APP: variants seen among roughly 807,000 people sequenced by gnomAD.
APP encodes amyloid-beta precursor protein.
In APP, 31 loss-of-function variants were observed where a neutral mutation model predicts 101.4. The ratio of observed to expected loss-of-function variants is 0.31; its 90% confidence interval spans 0.23 to 0.41. The LOEUF (loss-of-function observed/expected upper bound fraction) is 0.41. APP is among the 10% of genes least tolerant of loss of function. The pLI is 1.00. For synonymous variants in APP, 366 were observed against 364.4 expected (o/e 1.00, Z -0.05); for missense variants, 839 against 1,003.7 (o/e 0.84, Z 2.22).
intron 3 of APP, among the ~76,000 whole-genome samples, chr21:26,085,438 T>G (rs1379718369): frequency 6.6e-6 from 1 of 152,122 alleles, no homozygotes; most frequent in African/African-American, 2.4e-5. Flanking sequence ...TCCCATGACT[T>G]CAAAATTAGT....
chr21:26,125,443 G>T (rs2146254702), intron 1 of APP, among the ~76,000 whole-genome samples: 1 of 152,140 alleles, frequency 6.6e-6, no homozygotes, highest in South Asian at 2.1e-4. Flanking sequence ...AAACATTTTT[G>T]AGGGCTCCTA....
chr21:25,962,028 T>C (rs750661291), intron 11 of APP, among the ~76,000 whole-genome samples: 7 of 152,208 alleles, frequency 4.6e-5, no homozygotes, highest in Non-Finnish European at 1.0e-4. Flanking sequence ...ATTAGATGGC[T>C]AATCTCATTA....
At chr21:26,086,375 A>G (rs1479481638) in intron 3 of APP, among the ~76,000 whole-genome samples, 2 of 152,338 alleles carry the variant, frequency 1.3e-5, no homozygotes, top group African/African-American at 4.8e-5. Flanking sequence ...CAAGAAATGT[A>G]TAGCACATAT....
chr21:26,111,460 G>C (rs1381398135), intron 2 of APP, among the ~76,000 whole-genome samples: 2 of 152,164 alleles, frequency 1.3e-5, no homozygotes. Context: ...GTGGAGGGCT[G>C]AGCATGGTGG....
intron 6 of APP, among the ~76,000 whole-genome samples, chr21:26,020,524 A>G (rs975894443): frequency 2.6e-5 from 4 of 152,244 alleles, no homozygotes; most frequent in African/African-American, 9.6e-5. Flanking sequence ...AAAATAGCCC[A>G]TGTTAAGCTC....
intron 13 of APP, 35 bp from the exon 14 acceptor site, chr21:25,911,997 C>A: frequency 3.4e-6 from 5 of 1,487,868 alleles, no homozygotes; most frequent in Non-Finnish European, 4.7e-6. Context: ...TGGTGAGTAA[C>A]AACAATCACA....
intron 11 of APP, among the ~76,000 whole-genome samples, chr21:25,958,483 T>C (rs557332624): frequency 2.8e-4 from 43 of 152,298 alleles, no homozygotes; most frequent in Admixed American, 2.2e-3. Context: ...TTCGCCATGT[T>C]AGCCAGGATG....
At position 25,897,566 on chromosome 21, in the gene APP, T is replaced by G; in HGVS notation, c.2064+7A>C. ...AGTAGTGGAAAGAGGTAAATTATTT[T>G]ACGTACCAATTTTTGATGATGAACT... On this transcript the variant is annotated splice_region_variant and intron_variant, in intron 16 of 17. Coordinates refer to ENST00000346798, the MANE Select transcript of APP (RefSeq NM_000484.4). 6.2e-7 allele frequency: 1 copy of G among 1,604,816 alleles called. No homozygotes were observed. Among genetic ancestry groups the G allele is most frequent in the Non-Finnish European group, 8.5e-7 (1 of 1,171,538 alleles).
intron 1 of APP, among the ~76,000 whole-genome samples, chr21:26,168,603 G>C (rs772596915): frequency 4.6e-5 from 7 of 152,178 alleles, no homozygotes; most frequent in South Asian, 4.1e-4. Context: ...ACATATTTAA[G>C]TTTTGACAAA....
intron 13 of APP, among the ~76,000 whole-genome samples, chr21:25,944,831 C>A (rs754940792): frequency 7.9e-5 from 12 of 152,172 alleles, no homozygotes; most frequent in Non-Finnish European, 1.6e-4. Flanking sequence ...AAGCAGGACA[C>A]ATCTGCTCTA....
At chr21:25,884,969 A>G (rs1164555860) in intron 17 of APP, among the ~76,000 whole-genome samples, 1 of 152,220 alleles carries the variant, frequency 6.6e-6, no homozygotes, top group Non-Finnish European at 1.5e-5. Flanking sequence ...CTGGTGCACA[A>G]TCCAGACCTC....
intron 3 of APP, among the ~76,000 whole-genome samples, chr21:26,063,244 T>C (rs907025459): frequency 6.6e-6 from 1 of 152,230 alleles, no homozygotes; most frequent in Non-Finnish European, 1.5e-5. Flanking sequence ...ATAGACTAGA[T>C]ATTATAGCTT....
At chr21:26,004,570 G>A (rs900238552) in intron 6 of APP, among the ~76,000 whole-genome samples, 1 of 152,142 alleles carries the variant, frequency 6.6e-6, no homozygotes, top group East Asian at 1.9e-4. Flanking sequence ...GGGATTACAG[G>A]CGTGAGGCAC....
At chr21:25,973,238 TCA>T (rs1317090600) in intron 11 of APP, among the ~76,000 whole-genome samples, 3 of 151,918 alleles carry the variant, frequency 2.0e-5, no homozygotes, top group African/African-American at 7.3e-5. Context: ...GATGACAGAT[TCA>T]GTGACAACCA....
chr21:26,062,861 C>G (rs2046326264), intron 3 of APP, among the ~76,000 whole-genome samples: 2 of 152,116 alleles, frequency 1.3e-5, no homozygotes, highest in South Asian at 2.1e-4. Context: ...TTCCTGGGCT[C>G]AGGTGATCCT....
At chr21:26,073,186 C>A (rs2061439199) in intron 3 of APP, among the ~76,000 whole-genome samples, 1 of 152,002 alleles carries the variant, frequency 6.6e-6, no homozygotes, top group Non-Finnish European at 1.5e-5. Flanking sequence ...CTATTAAACA[C>A]TGATATTTAG....
Position 26,051,198 on chromosome 21 carries a change from A to G in APP, c.469-5T>C. On this transcript the variant is annotated splice_polypyrimidine_tract_variant and splice_region_variant and intron_variant, in intron 4 of 17. Transcript: ENST00000346798. ...GGTACTCTTCTCACTGCATGTCTAC[A>G]AAGTGTAAGGAGAAAACAGTGAGTG... 6.2e-7 allele frequency: 1 copy of G among 1,612,208 alleles called. No individual in the cohort carries two copies. The highest frequency in any genetic ancestry group is 1.1e-5 in the South Asian group (1 of 90,730).
At chr21:25,956,070 T>A (rs765228206) in intron 11 of APP, among the ~76,000 whole-genome samples, 15 of 152,302 alleles carry the variant, frequency 9.8e-5, no homozygotes, top group Non-Finnish European at 1.9e-4. Context: ...GTCTGTCAGG[T>A]TAAGTTAGGT....
intron 11 of APP, among the ~76,000 whole-genome samples, chr21:25,967,978 A>G: frequency 6.6e-6 from 1 of 152,190 alleles, no homozygotes; most frequent in Admixed American, 6.6e-5. Context: ...TGATTTTCCA[A>G]AGAAAGTCTA....
Sources: allele counts gnomAD v4.1 joint callset (sites outside exome capture counted in the v4.1 genomes callset), GRCh38; gene constraint gnomAD v4.1.1; transcripts MANE v1.5; gene names NCBI Gene and HGNC (gene_info 2026-07-23, HGNC 2026-07-21).